Variants in AK5 observed in about 807,000 individuals in gnomAD.
AK5 encodes the protein adenylate kinase 5.
AK5 carries 27 observed loss-of-function variants against 69.5 expected under a neutral mutation model. That is an observed-to-expected ratio of 0.39 (90% CI 0.29 to 0.54). AK5 has a LOEUF of 0.54. AK5 is among the 20% of genes least tolerant of loss of function. The probability of loss-of-function intolerance (pLI) is 0.71; values close to 1 mark genes in which losing one functional copy is unlikely to be tolerated. For missense variants in AK5, 531 were observed against 700.4 expected (o/e 0.76, Z 2.73); for synonymous variants, 260 against 244.4 (o/e 1.06, Z -0.60).
intron 13 of AK5, among the ~76,000 whole-genome samples, chr1:77,548,012 A>G (rs1184057832): frequency 6.6e-6 from 1 of 152,186 alleles, no homozygotes; most frequent in Non-Finnish European, 1.5e-5. Flanking sequence ...CAGGTGTTTT[A>G]GAGAGGTCAT....
chr1:77,450,942 G>A (rs12045755), intron 8 of AK5, among the ~76,000 whole-genome samples: 9,857 of 152,158 alleles, frequency 0.065, 656 homozygotes, highest in East Asian at 0.31. Flanking sequence ...TTTGGAGGTC[G>A]AAGCAGGAGT....
At chr1:77,391,478 T>C (rs1362938031) in intron 6 of AK5, among the ~76,000 whole-genome samples, 1 of 20,682 alleles carries the variant, frequency 4.8e-5, no homozygotes, top group East Asian at 2.1e-3. Flanking sequence ...CATATGTGTG[T>C]GTGTATGTGT....
At position 77,405,225 on chromosome 1, in the gene AK5, C is replaced by T. The variant is rs1356173943; in HGVS notation, c.892-5756C>T. Among the ~76,000 whole-genome samples the T allele has an allele frequency of 2.0e-5, 3 of 152,258 alleles. No homozygotes were observed. The East Asian group carries it at 5.8e-4, about 29-fold the overall frequency. ...ATCTCTGTAGTCCTCACAACAATCC[C>T]TTGAGGTGGATATTATCACCACTAT... is the stretch of plus-strand genomic sequence containing the variant. On this transcript the variant is annotated intron_variant, in intron 6 of 13. Transcript: ENST00000354567.
At chr1:77,329,932 T>C (rs1660997943) in intron 5 of AK5, among the ~76,000 whole-genome samples, 1 of 152,196 alleles carries the variant, frequency 6.6e-6, no homozygotes, top group Non-Finnish European at 1.5e-5. Flanking sequence ...TTCTGAGAAT[T>C]AAGTCAGGCA....
intron 13 of AK5, among the ~76,000 whole-genome samples, chr1:77,552,655 G>C (rs957051448): frequency 1.3e-5 from 2 of 152,182 alleles, no homozygotes; most frequent in Admixed American, 6.5e-5. Context: ...CCTGGACAAG[G>C]ATCAACCCAA....
chr1:77,339,241 G>A (rs189686381), intron 5 of AK5, among the ~76,000 whole-genome samples: 1 of 152,274 alleles, frequency 6.6e-6, no homozygotes, highest in Non-Finnish European at 1.5e-5. Flanking sequence ...ATGTGAAGAG[G>A]CAGTAAAACA....
intron 6 of AK5, among the ~76,000 whole-genome samples, chr1:77,349,873 G>C (rs1386219942): frequency 6.6e-6 from 1 of 152,140 alleles, no homozygotes; most frequent in Non-Finnish European, 1.5e-5. Flanking sequence ...GCAAAGCACT[G>C]TCCTTGTCTC....
Position 77,487,803 on chromosome 1 carries a change from G to A in AK5, c.1147+1451G>A, listed in dbSNP as rs374267245. ...AGTTGTGTTGGTTGTTAACCTGAAC[G>A]CAAGCTGTCTCACACATTCAGCCAT... On this transcript the variant is annotated intron_variant, in intron 10 of 13. Transcript: ENST00000354567. 2.6e-5 allele frequency among the ~76,000 whole-genome samples: 4 copies of A among 152,294 alleles called. No individual in the cohort carries two copies. In the South Asian group the frequency reaches 8.3e-4, roughly 32 times the overall value.
chr1:77,306,522 G>A lies in AK5; in HGVS notation c.699+8575G>A, dbSNP rs1456297628. 6.1e-5 allele frequency among the ~76,000 whole-genome samples: 5 copies of A among 82,588 alleles called. No homozygotes were observed. The East Asian group carries it at 1.9e-3, about 32-fold the overall frequency. The allele number at this position is 82,588 out of a possible 152,430, so 54.2% of individuals were successfully genotyped here. A position where few individuals can be genotyped will look rare whatever the true frequency, so the allele number is the denominator to read the frequency against. On this transcript the variant is annotated intron_variant, in intron 5 of 13. Transcript: ENST00000354567. ...TTTTTTTTTTTTTTTGAGGATTTTT[G>A]CATCAGTATTCATCAGAGACATTGG...
intron 5 of AK5, among the ~76,000 whole-genome samples, chr1:77,333,545 C>T (rs1553134065): frequency 8.2e-6 from 1 of 122,268 alleles, no homozygotes; most frequent in Non-Finnish European, 1.8e-5. Flanking sequence ...TTTTAAATCT[C>T]CCCCCCACCA....
chr1:77,513,824 C>G (rs773589234), intron 10 of AK5, among the ~76,000 whole-genome samples: 11 of 152,200 alleles, frequency 7.2e-5, no homozygotes, highest in Non-Finnish European at 1.5e-4. Flanking sequence ...AATCCAGGAG[C>G]TATCTCACAG....
chr1:77,527,376 TCTTCCCTAAAGTAAAGCAAAAAA>T (rs1307668945), intron 12 of AK5, among the ~76,000 whole-genome samples: 1 of 152,184 alleles, frequency 6.6e-6, no homozygotes, highest in East Asian at 1.9e-4. Context: ...GTCCATGTGA[TCTTCCCTAAAGTAAAGCAAAAAA>T]CTTCCTCTCC....
intron 12 of AK5, among the ~76,000 whole-genome samples, chr1:77,532,914 CAA>C (rs1658730067): frequency 6.6e-6 from 1 of 152,204 alleles, no homozygotes; most frequent in African/African-American, 2.4e-5. Context: ...CCGGTGAAAA[CAA>C]GAGCAGAGCT....
intron 10 of AK5, among the ~76,000 whole-genome samples, chr1:77,503,407 G>GT (rs1656838554): frequency 6.6e-6 from 1 of 152,182 alleles, no homozygotes; most frequent in African/African-American, 2.4e-5. Context: ...GAGATTCTGT[G>GT]TATGAACATA....
intron 10 of AK5, among the ~76,000 whole-genome samples, chr1:77,503,393 A>G (rs559903499): frequency 1.3e-5 from 2 of 152,364 alleles, no homozygotes; most frequent in African/African-American, 4.8e-5. Flanking sequence ...AATTAATTGT[A>G]AAAGAGATTC....
At chr1:77,365,056 C>A (rs1451917146) in intron 6 of AK5, among the ~76,000 whole-genome samples, 3 of 152,132 alleles carry the variant, frequency 2.0e-5, no homozygotes, top group Non-Finnish European at 4.4e-5. Flanking sequence ...CTTTTGATAA[C>A]ATTCATGCTA....
intron 8 of AK5, among the ~76,000 whole-genome samples, chr1:77,454,592 C>T (rs1036252742): frequency 3.9e-5 from 6 of 152,064 alleles, no homozygotes. Context: ...TTTATACTTT[C>T]CAAAGAGAAT....
chr1:77,368,140 G>A (rs1415532109), intron 6 of AK5, among the ~76,000 whole-genome samples: 2 of 131,968 alleles, frequency 1.5e-5, no homozygotes, highest in Non-Finnish European at 3.2e-5. Flanking sequence ...TTAAGTCACT[G>A]AGTAATTTAC....
intron 8 of AK5, among the ~76,000 whole-genome samples, chr1:77,460,315 C>T (rs141158557): frequency 1.8e-4 from 27 of 152,194 alleles, no homozygotes; most frequent in South Asian, 4.1e-4. Flanking sequence ...TAGTAGCAAA[C>T]GTCACAGGAA....
Sources: allele counts gnomAD v4.1 joint callset (sites outside exome capture counted in the v4.1 genomes callset), GRCh38; gene constraint gnomAD v4.1.1; transcripts MANE v1.5; gene names NCBI Gene and HGNC (gene_info 2026-07-23, HGNC 2026-07-21).